Variants in SPATA6 observed in about 807,000 individuals in gnomAD.
The protein encoded by SPATA6 is spermatogenesis-associated protein 6.
In SPATA6, 56 loss-of-function variants were observed where a neutral mutation model predicts 65.3. The observed-to-expected ratio is 0.86, with a 90% CI of 0.69 to 1.07. SPATA6 has a LOEUF of 1.07. Ranked by LOEUF, SPATA6 falls within the 50% of genes least tolerant of loss-of-function variation. The pLI is 0.00. For synonymous variants in SPATA6, 199 were observed against 213.2 expected, an observed-to-expected ratio of 0.93 and a Z score of 0.58; for missense variants, 590 against 594.8, an observed-to-expected ratio of 0.99 and a Z score of 0.08.
At chr1:48,262,567 A>T in the SPATA6 span, 1 of 152,168 alleles carries the variant, frequency 6.6e-6, no homozygotes, top group South Asian at 2.1e-4. Context: ...GAATGGTTAA[A>T]TTACTTTCTA....
At position 48,326,089 on chromosome 1, in the gene SPATA6, G is replaced by A. The variant is rs576661692; in HGVS notation, c.1195-20211C>T. 92 of 156,974 alleles carry A rather than the reference G, an allele frequency of 5.9e-4. No homozygotes were observed. The South Asian group carries it at 0.017, about 29-fold the overall frequency. The allele number at this position is 156,974 out of a possible 1,614,324, so 9.7% of individuals were successfully genotyped here. A position where few individuals can be genotyped will look rare whatever the true frequency, so the allele number is the denominator to read the frequency against. ...TGCCCAGGTTGGGCAGTGGAGCAGC[G>A]GGAGGCTGGAGCCAGAGTCTGTGAC... On this transcript the variant is annotated intron_variant, in intron 11 of 12. Coordinates refer to ENST00000371847, the MANE Select transcript of SPATA6 (RefSeq NM_019073.4).
intron 9 of SPATA6, among the ~76,000 whole-genome samples, chr1:48,379,404 G>A (rs1648292119): frequency 6.6e-6 from 1 of 152,142 alleles, no homozygotes; most frequent in South Asian, 2.1e-4. Context: ...AATATCACAT[G>A]TAGAATCTAA....
intron 10 of SPATA6, 62 bp from the exon 11 acceptor site, chr1:48,355,831 C>T: frequency 3.0e-6 from 4 of 1,338,946 alleles, no homozygotes; most frequent in Non-Finnish European, 3.2e-6. Flanking sequence ...CTAAGCTATA[C>T]TATCAAGTTT....
At chr1:48,372,954 T>A in intron 9 of SPATA6, among the ~76,000 whole-genome samples, 1 of 152,206 alleles carries the variant, frequency 6.6e-6, no homozygotes, top group African/African-American at 2.4e-5. Context: ...GTCCATGAAA[T>A]CACTTTTTCC....
intron 9 of SPATA6, among the ~76,000 whole-genome samples, chr1:48,368,952 T>C (rs567980918): frequency 2.0e-5 from 3 of 152,162 alleles, no homozygotes; most frequent in Admixed American, 6.5e-5. Context: ...TTGATGATGG[T>C]GATGTACAGA....
chr1:48,428,935 T>G (rs1278775843), intron 3 of SPATA6, among the ~76,000 whole-genome samples: 3 of 151,764 alleles, frequency 2.0e-5, no homozygotes, highest in African/African-American at 7.3e-5. Context: ...ATCTATTTGA[T>G]GTAACTATTT....
At chr1:48,287,904 G>A in the SPATA6 span, among the ~76,000 whole-genome samples, 17 of 152,214 alleles carry the variant, frequency 1.1e-4, no homozygotes. Context: ...AAAGTTTTAA[G>A]CTTTATCCAA....
intron 3 of SPATA6, among the ~76,000 whole-genome samples, chr1:48,443,359 C>T (rs528916112): frequency 3.0e-4 from 45 of 152,334 alleles, no homozygotes; most frequent in Non-Finnish European, 5.6e-4. Flanking sequence ...AAGCTCAAGT[C>T]TGTCAGCACA....
At chr1:48,392,960 A>G (rs923776783) in intron 8 of SPATA6, among the ~76,000 whole-genome samples, 1 of 152,106 alleles carries the variant, frequency 6.6e-6, no homozygotes, top group Non-Finnish European at 1.5e-5. Flanking sequence ...AAGATCAGAA[A>G]AACAAGAAGG....
chr1:48,362,886 T>C (rs1441392846), intron 9 of SPATA6, among the ~76,000 whole-genome samples: 2 of 152,166 alleles, frequency 1.3e-5, no homozygotes, highest in African/African-American at 4.8e-5. Context: ...GGATACATTG[T>C]ACAAGAATCT....
chr1:48,351,094 A>T (rs1180083164), intron 11 of SPATA6, among the ~76,000 whole-genome samples: 1 of 151,924 alleles, frequency 6.6e-6, no homozygotes, highest in Admixed American at 6.6e-5. Flanking sequence ...ATTTTAGCTA[A>T]GCACTTAAAT....
At chr1:48,365,847 A>T (rs1420706592) in intron 9 of SPATA6, among the ~76,000 whole-genome samples, 1 of 152,182 alleles carries the variant, frequency 6.6e-6, no homozygotes, top group African/African-American at 2.4e-5. Context: ...AGGAGTGGTG[A>T]GAGAGGGCAT....
chr1:48,363,233 T>A (rs1038049050), intron 9 of SPATA6, among the ~76,000 whole-genome samples: 2 of 152,184 alleles, frequency 1.3e-5, no homozygotes, highest in Non-Finnish European at 2.9e-5. Context: ...ACTTAAAGCC[T>A]TCAGCCTTAG....
intron 6 of SPATA6, chr1:48,400,825 T>C: frequency 7.8e-7 from 1 of 1,286,376 alleles, no homozygotes; most frequent in South Asian, 1.3e-5. Flanking sequence ...ATGGTATGCT[T>C]CTGGACCTTC....
chr1:48,428,851 G>A (rs868057310), intron 3 of SPATA6, among the ~76,000 whole-genome samples: 1 of 128,644 alleles, frequency 7.8e-6, no homozygotes, highest in East Asian at 2.2e-4. Context: ...GTATATATAT[G>A]TGTGTATATA....
chr1:48,460,793 G>A (rs1657372503), intron 1 of SPATA6, among the ~76,000 whole-genome samples: 1 of 151,128 alleles, frequency 6.6e-6, no homozygotes, highest in Non-Finnish European at 1.5e-5. Context: ...TGAGAATTTT[G>A]GAAAATTTAG....
intron 11 of SPATA6, among the ~76,000 whole-genome samples, chr1:48,342,975 G>C (rs1265270700): frequency 6.6e-6 from 1 of 152,156 alleles, no homozygotes; most frequent in Non-Finnish European, 1.5e-5. Flanking sequence ...CAAACCACCA[G>C]TAGTAATAAG....
intron 9 of SPATA6, among the ~76,000 whole-genome samples, chr1:48,372,758 A>C (rs1647432719): frequency 6.6e-6 from 1 of 152,180 alleles, no homozygotes; most frequent in Admixed American, 6.5e-5. Flanking sequence ...AGGTTCCCAA[A>C]CCTCAATTCT....
the SPATA6 span, among the ~76,000 whole-genome samples, chr1:48,281,400 G>C: frequency 4.6e-5 from 7 of 152,146 alleles, no homozygotes; most frequent in East Asian, 5.8e-4. Flanking sequence ...AATTGTCCCT[G>C]TTTGCAGATG....
Sources: gnomAD v4.1 joint callset for allele counts (sites outside exome capture counted in the v4.1 genomes callset) on GRCh38, gnomAD v4.1.1 for gene constraint, MANE v1.5 for transcripts, NCBI Gene and HGNC (gene_info 2026-07-23, HGNC 2026-07-21) for gene names.